MAF1: variants seen among roughly 807,000 people sequenced by gnomAD.
MAF1 encodes repressor of RNA polymerase III transcription MAF1 homolog.
MAF1 carries 7 observed loss-of-function variants against 31.9 expected under a neutral mutation model. The ratio of observed to expected loss-of-function variants is 0.22; its 90% CI spans 0.12 to 0.41. The LOEUF is 0.41. MAF1 is among the 10% of genes least tolerant of loss of function. The pLI is 1.00. For synonymous variants in MAF1, 157 were observed against 120.0 expected (o/e 1.31, Z -2.02); for missense variants, 221 against 323.1 (o/e 0.68, Z 2.42).
At chr8:144,105,556 G>A in intron 1 of MAF1, 84 bp from the exon 2 acceptor site, 2 of 763,222 alleles carry the variant, frequency 2.6e-6, no homozygotes, top group Non-Finnish European at 4.4e-6. Flanking sequence ...TGTTCCTAGC[G>A]GCTCCACTTA....
Position 144,106,226 on chromosome 8 carries a change from G to A in MAF1, c.363G>A (p.Glu121=). Residue 121 remains glutamate (E), a synonymous_variant, in exon 4 of 8, where the codon GAG becomes GAA. Coordinates refer to ENST00000322428, the MANE Select transcript of MAF1 (RefSeq NM_032272.5). ...CCCGCAGCCATGAGTTCAGCCGGGA[G>A]CCCAGCCTTAGCTGGGTGAGGGTCA... ...STARSHEFSR[E]PSLSWVVNAV... 1 of 1,613,774 alleles carries A rather than the reference G, an allele frequency of 6.2e-7. No individual in the cohort carries two copies. The highest frequency in any genetic ancestry group is 8.5e-7 in the Non-Finnish European group (1 of 1,180,030).
Position 144,105,753 on chromosome 8 carries a change from C to T in MAF1, c.70C>T (p.His24Tyr). Residue 24 changes from histidine to tyrosine, a missense_variant, in exon 2 of 8, where the codon CAC becomes TAC. By Grantham distance (83) the His-to-Tyr change is moderately conservative. This residue lies in a region of MAF1 where 146 missense variants were observed against 263.1 expected (regional missense o/e 0.56). Transcript: ENST00000322428. ...GCTGACTGTGGAGACTGGAGATGCCCACATCATTGGCAGGTGAGGCAGGCT... is the reference window on the plus strand; with the variant it reads ...GCTGACTGTGGAGACTGGAGATGCCTACATCATTGGCAGGTGAGGCAGGCT... ...SQLTVETGDA[H>Y]IIGRIESYSC... 6.2e-7 allele frequency: 1 copy of T among 1,613,074 alleles called. No individual in the cohort carries two copies. The highest frequency in any genetic ancestry group is 2.2e-5 in the East Asian group (1 of 44,872).
rs568718279 is a variant in MAF1 at position 144,105,677 on chromosome 8, C to T, written c.-7C>T. On this transcript the variant is annotated 5_prime_UTR_variant, in exon 2 of 8. Coordinates refer to ENST00000322428, the MANE Select transcript of MAF1 (RefSeq NM_032272.5). ...CCTCTGGAGCACGGAGCTCCTTCCC[C>T]AAAGACATGAAGCTATTGGAGAACT... is the stretch of plus-strand genomic sequence containing the variant. The T allele has an allele frequency of 4.3e-6, 7 of 1,613,182 alleles. No homozygotes were observed. The South Asian group carries it at 6.6e-5, about 15-fold the overall frequency.
At chr8:144,107,036 T>G (rs1368277648) in intron 7 of MAF1, 52 bp from the exon 8 acceptor site, 1 of 1,563,316 alleles carries the variant, frequency 6.4e-7, no homozygotes, top group East Asian at 2.4e-5. Context: ...CCTCCTCTAC[T>G]TGGTCTAAGT....
At chr8:144,104,896 C>G (rs931794030) in intron 1 of MAF1, 38 bp downstream of exon 1, 6 of 152,280 alleles carry the variant, frequency 3.9e-5, no homozygotes, top group Non-Finnish European at 8.8e-5. Flanking sequence ...GTCTGCGTAC[C>G]CGGAACCACA....
In MAF1 at chr8:144,105,626, C is replaced by T. The variant is rs778333448; in HGVS notation, c.-44-14C>T. 1.9e-5 allele frequency: 29 copies of T among 1,498,018 alleles called. No homozygotes were observed. The East Asian group carries it at 5.4e-4, about 28-fold the overall frequency. 92.8% of individuals were successfully genotyped at this position (1,498,018 alleles called of 1,614,324 possible). On this transcript the variant is annotated splice_polypyrimidine_tract_variant and intron_variant, in intron 1 of 7. Coordinates refer to ENST00000322428, the MANE Select transcript of MAF1 (RefSeq NM_032272.5). Reference sequence around the variant, plus strand: ...GCCAGATAGATACCCATGGTCTGGTCTCTCACTCCCCAGGCAATACTAGCC... The same window carrying T: ...GCCAGATAGATACCCATGGTCTGGTTTCTCACTCCCCAGGCAATACTAGCC...
rs1836411478 is a variant in MAF1, at chr8:144,106,238, C to T, written c.375C>T (p.Ser125=). The T allele has an allele frequency of 3.1e-6, 5 of 1,613,628 alleles. No homozygotes were observed. The highest frequency in any genetic ancestry group is 1.3e-5 in the African/African-American group (1 of 74,940). ...AGTTCAGCCGGGAGCCCAGCCTTAG[C>T]TGGGTGAGGGTCAGGTGGAGGGAAG... is the stretch of plus-strand genomic sequence containing the variant. ...SHEFSREPSL[S]WVVNAVNCSL... Residue 125 remains serine, a synonymous_variant, in exon 4 of 8, where the codon AGC becomes AGT. Transcript: ENST00000322428.
At position 144,107,495 on chromosome 8, in the gene MAF1, C is replaced by G; in HGVS notation, c.*386C>G. 1.7e-6 allele frequency: 1 copy of G among 591,524 alleles called. No individual in the cohort carries two copies. Among genetic ancestry groups the G allele is most frequent in the Non-Finnish European group, 3.0e-6 (1 of 331,738 alleles). 36.6% of individuals were successfully genotyped at this position (591,524 alleles called of 1,614,324 possible). On this transcript the variant is annotated 3_prime_UTR_variant, in exon 8 of 8. Coordinates refer to ENST00000322428, the MANE Select transcript of MAF1 (RefSeq NM_032272.5). ...GAGCAGGCCCCAGCAGTCACCGGCT[C>G]TGGTCTTGGGCCGGCCCCGGTGCCC...
intron 1 of MAF1, 77 bp from the exon 2 acceptor site, chr8:144,105,563 C>G (rs1836394918): frequency 1.2e-6 from 1 of 837,470 alleles, no homozygotes; most frequent in Admixed American, 2.2e-5. Context: ...AGCGGCTCCA[C>G]TTAGTGGGTA....
chr8:144,105,784 G>C lies in MAF1; in HGVS notation c.83+18G>C. On this transcript the variant is annotated intron_variant, in intron 2 of 7. Coordinates refer to ENST00000322428, the MANE Select transcript of MAF1 (RefSeq NM_032272.5). The stretch of plus-strand genomic sequence containing the variant: ...ATTGGCAGGTGAGGCAGGCTGGGGG[G>C]GCTGGCATCTCGGAGGTCACACTGC... The C allele has an allele frequency of 3.1e-6, 5 of 1,612,742 alleles. No homozygotes were observed. The highest frequency in any genetic ancestry group is 4.2e-6 in the Non-Finnish European group (5 of 1,179,862).
intron 1 of MAF1, 182 bp from the exon 2 acceptor site, chr8:144,105,458 C>G (rs1247629502): frequency 6.9e-6 from 4 of 580,664 alleles, no homozygotes; most frequent in Non-Finnish European, 1.2e-5. Flanking sequence ...TTACCACCCT[C>G]AGGTAAAACA....
chr8:144,104,955 C>T (rs146947779), intron 1 of MAF1, 97 bp downstream of exon 1: 9 of 152,260 alleles, frequency 5.9e-5, no homozygotes, highest in African/African-American at 2.2e-4. Flanking sequence ...ATTTGTAGTT[C>T]CACCGCGGCT....
At chr8:144,104,992 G>C (rs1343523448) in intron 1 of MAF1, 134 bp downstream of exon 1, 2 of 152,248 alleles carry the variant, frequency 1.3e-5, no homozygotes, top group Non-Finnish European at 2.9e-5. Context: ...TGGCCCAGGC[G>C]GGCGCTGCCT....
In MAF1 at chr8:144,106,860, G is replaced by T; in HGVS notation, c.646G>T (p.Ala216Ser). Residue 216 changes from alanine to serine, a missense_variant, in exon 7 of 8, where the codon GCA becomes TCA. By Grantham distance (99) the Ala-to-Ser change is moderately conservative. Around this residue, in one of 2 missense-constraint regions of MAF1, gnomAD observed 75 missense variants for 60.1 expected, o/e 1.25. Coordinates refer to ENST00000322428, the MANE Select transcript of MAF1 (RefSeq NM_032272.5). The part of the protein sequence containing the change: ...ISGSTYTPSE[A>S]GNELDMELGE... Reference sequence around the variant, plus strand: ...TGGCTCCACCTACACACCCTCAGAGGCAGGCAACGAGCTGGACATGGAGCT... The same window carrying T: ...TGGCTCCACCTACACACCCTCAGAGTCAGGCAACGAGCTGGACATGGAGCT... 1.3e-6 allele frequency: 2 copies of T among 1,531,746 alleles called. No homozygotes were observed. The highest frequency in any genetic ancestry group is 1.8e-4 in the Middle Eastern group (1 of 5,620). 94.9% of individuals were successfully genotyped at this position (1,531,746 alleles called of 1,614,324 possible). A position where few individuals can be genotyped will look rare whatever the true frequency, so the allele number is the denominator to read the frequency against.
Position 144,105,852 on chromosome 8 carries a change from C to G in MAF1, c.84-17C>G, listed in dbSNP as rs201680301. 3 of 1,612,940 alleles carry G rather than the reference C, an allele frequency of 1.9e-6. No homozygotes were observed. The highest frequency in any genetic ancestry group is 1.3e-5 in the African/African-American group (1 of 75,042). On this transcript the variant is annotated splice_polypyrimidine_tract_variant and intron_variant, in intron 2 of 7. Coordinates refer to ENST00000322428, the MANE Select transcript of MAF1 (RefSeq NM_032272.5). ...CCTGGGGGAAGCATGCTTCATGGTT[C>G]TCTCTGCATCCTATAGGATTGAGAG...
At position 144,105,929 on chromosome 8, in the gene MAF1, C is replaced by T. The variant is rs1205651783; in HGVS notation, c.144C>T (p.Cys48=). 1.2e-6 allele frequency: 2 copies of T among 1,613,130 alleles called. No homozygotes were observed. Among genetic ancestry groups the T allele is most frequent in the Non-Finnish European group, 1.7e-6 (2 of 1,180,022 alleles). The change falls in exon 3 of 8, where the codon TGC becomes TGT. Residue 48 remains cysteine (C), a synonymous_variant. Coordinates refer to ENST00000322428, the MANE Select transcript of MAF1 (RefSeq NM_032272.5). ...GDDKHMFKQF[C]QEGQPHVLEA... is the part of the protein sequence containing the mutation. ...ACAAACACATGTTCAAGCAGTTCTG[C>T]CAGGAGGGCCAGCCCCACGTGCTGG...
chr8:144,106,913 C>G lies in MAF1; in HGVS notation c.699C>G (p.Ser233Arg). Residue 233 changes from serine (S) to arginine (R), a missense_variant, in exon 7 of 8, where the codon AGC becomes AGG. Around this residue, in one of 2 missense-constraint regions of MAF1, gnomAD observed 75 missense variants for 60.1 expected, o/e 1.25. Transcript: ENST00000322428. ...ELGEEEVEEE[S>R]RSGGSGAEET... is the part of the protein sequence containing the mutation. Reference sequence around the variant, plus strand: ...GGGAGGAGGAGGTGGAGGAAGAAAGCAGAAGCGGGGGCAGTGGGGCCGAGG... The same window carrying G: ...GGGAGGAGGAGGTGGAGGAAGAAAGGAGAAGCGGGGGCAGTGGGGCCGAGG... 1 of 1,527,082 alleles carries G rather than the reference C, an allele frequency of 6.5e-7. No homozygotes were observed. Among genetic ancestry groups the G allele is most frequent in the Middle Eastern group, 1.8e-4 (1 of 5,642 alleles). The allele number at this position is 1,527,082 out of a possible 1,614,324, so 94.6% of individuals were successfully genotyped here.
At position 144,106,470 on chromosome 8, in the gene MAF1, C is replaced by T. The variant is rs772839548; in HGVS notation, c.500+6C>T. ...GCTGAATGTGACATCTACAGGTGGG[C>T]CGGCATCCCTGCAGATGGCCTCCAG... On this transcript the variant is annotated splice_donor_region_variant and intron_variant, in intron 5 of 7. Coordinates refer to ENST00000322428, the MANE Select transcript of MAF1 (RefSeq NM_032272.5). The T allele has an allele frequency of 1.2e-6, 2 of 1,613,906 alleles. No individual in the cohort carries two copies. Among genetic ancestry groups the T allele is most frequent in the East Asian group, 2.2e-5 (1 of 44,884 alleles).
rs1422407828 is a variant in MAF1, at chr8:144,106,109, C to T, written c.246C>T (p.Gly82=). 1.2e-6 allele frequency: 2 copies of T among 1,613,632 alleles called. No homozygotes were observed. Among genetic ancestry groups the T allele is most frequent in the South Asian group, 1.1e-5 (1 of 91,086 alleles). ...AAAGCCAAGGCGGTGAGGAGGAGGG[C>T]CCCCTCAGTGACAAGTGCAGCCGCA... ...LSKSQGGEEE[G]PLSDKCSRKT... The change falls in exon 4 of 8, where the codon GGC becomes GGT. Residue 82 remains glycine, a synonymous_variant. Transcript: ENST00000322428.
Sources: allele counts gnomAD v4.1 joint callset, GRCh38; gene constraint gnomAD v4.1.1; regional missense constraint gnomAD v4.1.1; transcripts MANE v1.5; gene names NCBI Gene and HGNC (gene_info 2026-07-23, HGNC 2026-07-21).